IPMK: variants seen among roughly 807,000 people sequenced by gnomAD.
The protein encoded by IPMK is inositol polyphosphate multikinase, also known as inositol 1,3,4,6-tetrakisphosphate 5-kinase.
Under a neutral mutation model 45.8 loss-of-function variants are expected in IPMK, and 17 were observed. The observed-to-expected ratio is 0.37, with a 90% CI of 0.25 to 0.56. The LOEUF (loss-of-function observed/expected upper bound fraction) is 0.56. IPMK is among the 20% of genes least tolerant of loss of function. The pLI is 0.79. For synonymous variants in IPMK, 180 were observed against 184.3 expected (o/e 0.98, Z 0.19); for missense variants, 399 against 498.0 (o/e 0.80, Z 1.89).
At chr10:58,267,324 G>T in intron 1 of IPMK, 98 bp downstream of exon 1, 1 of 1,194,082 alleles carries the variant, frequency 8.4e-7, no homozygotes, top group South Asian at 1.3e-5. Flanking sequence ...ACACCAGGGG[G>T]GCGTCCAGGC....
intron 4 of IPMK, among the ~76,000 whole-genome samples, chr10:58,203,229 G>T (rs1016213523): frequency 6.6e-6 from 1 of 152,210 alleles, no homozygotes; most frequent in African/African-American, 2.4e-5. Flanking sequence ...AAGTGAACTA[G>T]AATTAAGACT....
At chr10:58,227,846 C>T (rs1436631782) in intron 2 of IPMK, among the ~76,000 whole-genome samples, 1 of 152,042 alleles carries the variant, frequency 6.6e-6, no homozygotes, top group Non-Finnish European at 1.5e-5. Context: ...GCATGTAAGA[C>T]ATGTTATCCA....
At chr10:58,266,343 T>C (rs1219212168) in intron 1 of IPMK, among the ~76,000 whole-genome samples, 3 of 152,214 alleles carry the variant, frequency 2.0e-5, no homozygotes, top group Admixed American at 6.5e-5. Context: ...TTAATACTTA[T>C]CCATTTTCTA....
Position 58,216,186 on chromosome 10 carries a change from G to A in IPMK, c.505C>T (p.Pro169Ser). Residue 169 changes from proline (P) to serine (S), a missense_variant, in exon 4 of 6, where the codon CCA becomes TCA. Pro to Ser is a moderately conservative substitution (Grantham distance 74). Coordinates refer to ENST00000373935, the MANE Select transcript of IPMK (RefSeq NM_152230.5). The stretch of plus-strand genomic sequence containing the variant: ...AAGAACCCAATCTCTTCCATTAATG[G>A]GTACTTGCTGACCTGTTGCTGAATC... Reference protein sequence around the residue: ...EKIQQQVSKYPLMEEIGFLVL... With the variant: ...EKIQQQVSKYSLMEEIGFLVL... The A allele has an allele frequency of 6.2e-7, 1 of 1,609,570 alleles. No individual in the cohort carries two copies. Among genetic ancestry groups the A allele is most frequent in the East Asian group, 2.2e-5 (1 of 44,552 alleles).
intron 4 of IPMK, among the ~76,000 whole-genome samples, chr10:58,207,563 G>A (rs919618001): frequency 9.2e-5 from 14 of 152,024 alleles, no homozygotes; most frequent in African/African-American, 3.4e-4. Context: ...TTTGTTCTAG[G>A]GTATAGTTTA....
chr10:58,267,415 C>A lies in IPMK; in HGVS notation c.190+7G>T, dbSNP rs376772269. On this transcript the variant is annotated splice_region_variant and intron_variant, in intron 1 of 5. Coordinates refer to ENST00000373935, the MANE Select transcript of IPMK (RefSeq NM_152230.5). The stretch of plus-strand genomic sequence containing the variant: ...GGAGCGGCGAGACCTATGCCACCCC[C>A]ACTTACCCACTTTGTCCTTCCCGTA... 245 of 1,613,614 alleles carry A rather than the reference C, an allele frequency of 1.5e-4. No individual in the cohort carries two copies. The African/African-American group carries it at 3.1e-3, about 20-fold the overall frequency.
chr10:58,245,135 T>A (rs950855157), intron 1 of IPMK, among the ~76,000 whole-genome samples: 33 of 150,932 alleles, frequency 2.2e-4, no homozygotes, highest in Non-Finnish European at 4.4e-5. Context: ...AAAGCATGGA[T>A]AAAACTTAAA....
chr10:58,197,316 T>A (rs1837913582), intron 5 of IPMK, among the ~76,000 whole-genome samples: 1 of 144,618 alleles, frequency 6.9e-6, no homozygotes, highest in Admixed American at 7.0e-5. Flanking sequence ...AATAAATAAA[T>A]AAATAAATAA....
chr10:58,204,331 C>T (rs1182983428), intron 4 of IPMK, among the ~76,000 whole-genome samples: 1 of 151,802 alleles, frequency 6.6e-6, no homozygotes, highest in Non-Finnish European at 1.5e-5. Flanking sequence ...AACTGAGAAA[C>T]AGGTGTAGGA....
chr10:58,226,983 C>T lies in IPMK; in HGVS notation c.373+60G>A, dbSNP rs972336357. ...AGTTAAATTTTAATTTTACATAAGG[C>T]CTTTAAAGAAGCTACACTCATGAAT... On this transcript the variant is annotated intron_variant, in intron 3 of 5. Transcript: ENST00000373935. 3.8e-6 allele frequency: 4 copies of T among 1,062,658 alleles called. No homozygotes were observed. In the African/African-American group the frequency reaches 6.4e-5, roughly 17 times the overall value. 65.8% of individuals were successfully genotyped at this position (1,062,658 alleles called of 1,614,324 possible).
intron 1 of IPMK, among the ~76,000 whole-genome samples, chr10:58,255,786 G>A (rs569664143): frequency 1.3e-4 from 20 of 152,280 alleles, no homozygotes; most frequent in African/African-American, 3.6e-4. Flanking sequence ...GACCCCGAAC[G>A]GAGGGACCGG....
intron 4 of IPMK, among the ~76,000 whole-genome samples, chr10:58,211,471 G>C (rs1425344316): frequency 6.6e-6 from 1 of 152,022 alleles, no homozygotes; most frequent in Non-Finnish European, 1.5e-5. Flanking sequence ...GGGATTACAG[G>C]CATGAGCCAC....
At chr10:58,229,974 A>G (rs1838486049) in intron 2 of IPMK, among the ~76,000 whole-genome samples, 1 of 152,178 alleles carries the variant, frequency 6.6e-6, no homozygotes, top group Non-Finnish European at 1.5e-5. Flanking sequence ...ACTTTTCCCA[A>G]GGTCTTAGCA....
chr10:58,241,255 G>A (rs1341694740), intron 1 of IPMK, among the ~76,000 whole-genome samples: 5 of 152,126 alleles, frequency 3.3e-5, no homozygotes, highest in Non-Finnish European at 1.5e-5. Context: ...GGATCACAGA[G>A]CCTACCTAAC....
chr10:58,239,186 A>G (rs1279304844), intron 1 of IPMK, among the ~76,000 whole-genome samples: 2 of 152,152 alleles, frequency 1.3e-5, no homozygotes, highest in African/African-American at 2.4e-5. Flanking sequence ...AGGCCTAGAT[A>G]TAGAATAGAA....
intron 1 of IPMK, among the ~76,000 whole-genome samples, chr10:58,266,561 T>C (rs986929781): frequency 9.9e-5 from 15 of 152,046 alleles, no homozygotes; most frequent in Non-Finnish European, 2.2e-4. Flanking sequence ...AACTAAATTG[T>C]CTCTAGTGGC....
At chr10:58,235,679 G>A (rs1187935824) in intron 2 of IPMK, among the ~76,000 whole-genome samples, 1 of 152,176 alleles carries the variant, frequency 6.6e-6, no homozygotes, top group Non-Finnish European at 1.5e-5. Context: ...CGGGGCTGGG[G>A]AGGGATAGCG....
intron 1 of IPMK, among the ~76,000 whole-genome samples, chr10:58,245,384 C>G (rs886674306): frequency 1.3e-5 from 2 of 151,938 alleles, no homozygotes; most frequent in African/African-American, 2.4e-5. Flanking sequence ...GAGGCCAAGA[C>G]AGCCGGATCA....
Position 58,267,541 on chromosome 10 carries a change from G to A in IPMK, c.71C>T (p.Ala24Val). ...GGTGCCCTCAGGGGTGGACTCGATC[G>A]CCGGTGAGGTCCGCATTTCTGGGGG... ...PGPPEMRTSP[A>V]IESTPEGTPQ... Residue 24 changes from alanine to valine, a missense_variant, in exon 1 of 6, where the codon GCG (alanine) becomes GTG (valine). Around this residue, in one of 2 missense-constraint regions of IPMK, gnomAD observed 111 missense variants for 99.9 expected, o/e 1.11. Coordinates refer to ENST00000373935, the MANE Select transcript of IPMK (RefSeq NM_152230.5). 6.2e-7 allele frequency: 1 copy of A among 1,611,902 alleles called. No homozygotes were observed. The highest frequency in any genetic ancestry group is 8.5e-7 in the Non-Finnish European group (1 of 1,179,246).
Sources: allele counts gnomAD v4.1 joint callset (sites outside exome capture counted in the v4.1 genomes callset), GRCh38; gene constraint gnomAD v4.1.1; regional missense constraint gnomAD v4.1.1; transcripts MANE v1.5; gene names NCBI Gene and HGNC (gene_info 2026-07-23, HGNC 2026-07-21).